NALCN: variants seen among roughly 807,000 people sequenced by gnomAD.
The protein encoded by NALCN is sodium leak channel, non-selective.
In NALCN, 111 loss-of-function variants were observed where a neutral mutation model predicts 225.3. The ratio of observed to expected loss-of-function variants is 0.49; its 90% confidence interval spans 0.42 to 0.58. NALCN has a LOEUF of 0.58. Among genes scored for constraint, NALCN ranks in the 20% least tolerant of loss-of-function variants. The pLI is 0.00. For missense variants in NALCN, 1,378 were observed against 2,202.4 expected (o/e 0.63, Z 7.49); for synonymous variants, 764 against 769.0 (o/e 0.99, Z 0.11).
intron 6 of NALCN, among the ~76,000 whole-genome samples, chr13:101,375,377 T>C (rs1424021265): frequency 6.6e-6 from 1 of 152,192 alleles, no homozygotes; most frequent in Non-Finnish European, 1.5e-5. Flanking sequence ...TAAAATAAAG[T>C]GTTGGAATTG....
At chr13:101,057,519 T>A (rs2031411767) in intron 43 of NALCN, 1 of 235,286 alleles carries the variant, frequency 4.3e-6, no homozygotes, top group Non-Finnish European at 8.4e-6. Flanking sequence ...CAAAGTGTGC[T>A]GAGAGAAATC....
intron 15 of NALCN, among the ~76,000 whole-genome samples, chr13:101,158,987 C>T (rs1464127142): frequency 2.0e-5 from 3 of 152,118 alleles, no homozygotes; most frequent in Admixed American, 2.0e-4. Context: ...GAGCACTTAG[C>T]ACTGAGATTT....
chr13:101,278,720 C>T (rs2043047648), intron 10 of NALCN, among the ~76,000 whole-genome samples: 1 of 152,116 alleles, frequency 6.6e-6, no homozygotes, highest in South Asian at 2.1e-4. Context: ...GAGGAGACAT[C>T]CTGGCAAAAC....
At chr13:101,270,072 G>A (rs2042725369) in intron 10 of NALCN, among the ~76,000 whole-genome samples, 1 of 152,096 alleles carries the variant, frequency 6.6e-6, no homozygotes, top group African/African-American at 2.4e-5. Context: ...GTTCCTAAAA[G>A]GATGGACGCA....
Position 101,083,695 on chromosome 13 carries a change from A to T in NALCN, c.3583+16T>A, listed in dbSNP as rs1406434361. 1.2e-6 allele frequency: 2 copies of T among 1,610,902 alleles called. No homozygotes were observed. The highest frequency in any genetic ancestry group is 1.7e-6 in the Non-Finnish European group (2 of 1,177,406). On this transcript the variant is annotated intron_variant, in intron 31 of 43. Transcript: ENST00000251127. ...ACTAGTGCCCAACATGAATAAAATCAGAGCATTTTGGGTACCCGGGCGAGG... is the reference window on the plus strand; with the variant it reads ...ACTAGTGCCCAACATGAATAAAATCTGAGCATTTTGGGTACCCGGGCGAGG...
intron 17 of NALCN, among the ~76,000 whole-genome samples, chr13:101,129,484 C>T (rs1196150721): frequency 6.6e-6 from 1 of 152,136 alleles, no homozygotes; most frequent in African/African-American, 2.4e-5. Flanking sequence ...TTTGACAAAG[C>T]TTCCTTGTTC....
intron 9 of NALCN, among the ~76,000 whole-genome samples, chr13:101,289,551 C>T (rs58114779): frequency 0.047 from 3,177 of 67,492 alleles, 51 homozygotes; most frequent in African/African-American, 0.073. Flanking sequence ...TATATATATA[C>T]ACATATTTTC....
At chr13:101,124,886 C>T (rs551083999) in intron 17 of NALCN, among the ~76,000 whole-genome samples, 2 of 152,156 alleles carry the variant, frequency 1.3e-5, no homozygotes, top group East Asian at 1.9e-4. Flanking sequence ...GTCCCAGCCA[C>T]GGATGGTGCA....
intron 31 of NALCN, 37 bp from the exon 32 acceptor site, chr13:101,083,235 A>G (rs2033753993): frequency 6.6e-7 from 1 of 1,514,042 alleles, no homozygotes; most frequent in Non-Finnish European, 9.2e-7. Context: ...CATTTTAGAC[A>G]CAGGTCACAT....
chr13:101,317,756 G>T (rs968767413), intron 7 of NALCN, among the ~76,000 whole-genome samples: 1 of 152,154 alleles, frequency 6.6e-6, no homozygotes, highest in Non-Finnish European at 1.5e-5. Context: ...ATTTAGGAAG[G>T]TTATGTTTCC....
chr13:101,231,379 A>G (rs1183413553), intron 12 of NALCN, among the ~76,000 whole-genome samples: 1 of 152,230 alleles, frequency 6.6e-6, no homozygotes. Flanking sequence ...TACTATTACA[A>G]AGCGAGTATA....
At position 101,080,678 on chromosome 13, in the gene NALCN, A is replaced by T. The variant is rs906871656; in HGVS notation, c.3885+849T>A. 1.2e-3 allele frequency among the ~76,000 whole-genome samples: 171 copies of T among 146,930 alleles called. 1 individual carries two copies. Among genetic ancestry groups the T allele is most frequent in the African/African-American group, 4.0e-3 (162 of 40,674 alleles). The stretch of plus-strand genomic sequence containing the variant: ...ATATATAACTATATAAATAATAAAA[A>T]TATATACATACACATACACATAATG... On this transcript the variant is annotated intron_variant, in intron 34 of 43. Transcript: ENST00000251127.
chr13:101,175,624 C>T (rs561538905), intron 15 of NALCN, among the ~76,000 whole-genome samples: 4 of 152,278 alleles, frequency 2.6e-5, no homozygotes, highest in South Asian at 2.1e-4. Flanking sequence ...CACTCTCTTG[C>T]GAGCTCTTCT....
intron 33 of NALCN, among the ~76,000 whole-genome samples, chr13:101,082,236 AC>A (rs2033695558): frequency 6.6e-6 from 1 of 152,210 alleles, no homozygotes; most frequent in African/African-American, 2.4e-5. Flanking sequence ...AGAGTTTATT[AC>A]CAAGATATAT....
At chr13:101,109,320 T>C (rs2035306673) in intron 20 of NALCN, among the ~76,000 whole-genome samples, 1 of 152,170 alleles carries the variant, frequency 6.6e-6, no homozygotes, top group Non-Finnish European at 1.5e-5. Context: ...TAAACAGAGC[T>C]CTGTGCCAAC....
chr13:101,183,721 A>G (rs1210389966), intron 14 of NALCN, among the ~76,000 whole-genome samples: 1 of 151,972 alleles, frequency 6.6e-6, no homozygotes, highest in Non-Finnish European at 1.5e-5. Context: ...CGGCCTCCCA[A>G]AGTGCTGGGA....
intron 13 of NALCN, among the ~76,000 whole-genome samples, chr13:101,210,312 C>T (rs1276587397): frequency 6.6e-6 from 1 of 152,100 alleles, no homozygotes; most frequent in Admixed American, 6.6e-5. Flanking sequence ...ATGTTAGAGA[C>T]AGTCCTCTGC....
rs2043600664 is a variant in NALCN, at chr13:101,292,783, G to A, written c.800-417C>T. Among the ~76,000 whole-genome samples, 1 of 152,174 alleles carries A rather than the reference G, an allele frequency of 6.6e-6. No individual in the cohort carries two copies. Among genetic ancestry groups the A allele is most frequent in the Admixed American group, 6.5e-5 (1 of 15,280 alleles). ...TTTAACCAAAATGAAATAAATGGGA[G>A]AACTGAGTTTCATTTGAAATCACTT... On this transcript the variant is annotated intron_variant, in intron 7 of 43. Coordinates refer to ENST00000251127, the MANE Select transcript of NALCN (RefSeq NM_052867.4). This position sits in a 1 kb window ranked among gnomAD's most constrained non-coding sequence, Gnocchi z 4.3.
intron 1 of NALCN, among the ~76,000 whole-genome samples, chr13:101,414,772 T>C (rs2047886426): frequency 6.6e-6 from 1 of 152,250 alleles, no homozygotes; most frequent in African/African-American, 2.4e-5. Flanking sequence ...TGCTTTCTCC[T>C]AGAGTTCTGT....
Sources: allele counts gnomAD v4.1 joint callset (sites outside exome capture counted in the v4.1 genomes callset), GRCh38; gene constraint gnomAD v4.1.1; non-coding constraint Gnocchi (gnomAD v3.1); transcripts MANE v1.5; gene names NCBI Gene and HGNC (gene_info 2026-07-23, HGNC 2026-07-21).